Variants in SPRED1 observed in about 807,000 individuals in gnomAD.
SPRED1 encodes sprouty related EVH1 domain containing 1, also known as sprouty-related, EVH1 domain-containing protein 1.
A neutral mutation model predicts 52.3 loss-of-function variants in SPRED1; 18 were observed. That is an observed-to-expected ratio of 0.34 (90% CI 0.24 to 0.51). The LOEUF (loss-of-function observed/expected upper bound fraction) is 0.51, where lower values mean the gene tolerates loss of function less well. Ranked by LOEUF, SPRED1 falls within the 20% of genes least tolerant of loss-of-function variation. The pLI, the probability that SPRED1 is intolerant of heterozygous loss-of-function variation, is 0.97. For synonymous variants in SPRED1, 155 were observed against 179.7 expected (o/e 0.86, Z 1.10); for missense variants, 485 against 551.0 (o/e 0.88, Z 1.20).
At chr15:38,323,905 A>T (rs956538167) in intron 3 of SPRED1, among the ~76,000 whole-genome samples, 4 of 152,202 alleles carry the variant, frequency 2.6e-5, no homozygotes, top group Admixed American at 2.0e-4. Flanking sequence ...GATTGGGTTT[A>T]ATGTTTTAAA....
Position 38,309,303 on chromosome 15 carries a change from G to A in SPRED1, c.207+9756G>A, listed in dbSNP as rs572923881. Among the ~76,000 whole-genome samples the A allele has an allele frequency of 2.6e-5, 4 of 152,132 alleles. No homozygotes were observed. In the South Asian group the frequency reaches 8.3e-4, roughly 32 times the overall value. On this transcript the variant is annotated intron_variant, in intron 2 of 6. Transcript: ENST00000299084. The stretch of plus-strand genomic sequence containing the variant: ...CCACAGGCATGCATCACCACACCTG[G>A]CTAATTTTTGTATTTTTACTAGAGA...
intron 4 of SPRED1, among the ~76,000 whole-genome samples, chr15:38,335,789 T>G (rs2141004451): frequency 6.6e-6 from 1 of 152,068 alleles, no homozygotes; most frequent in African/African-American, 2.4e-5. Flanking sequence ...GGAATAGAAT[T>G]GATGCTAAAC....
intron 5 of SPRED1, among the ~76,000 whole-genome samples, chr15:38,349,162 T>C (rs947264925): frequency 2.7e-4 from 41 of 152,182 alleles, no homozygotes; most frequent in African/African-American, 9.6e-4. Flanking sequence ...TGTTTATCCG[T>C]TCATTAGTTG....
chr15:38,277,882 A>G lies in SPRED1; in HGVS notation c.33-21491A>G, dbSNP rs1235569406. Among the ~76,000 whole-genome samples the G allele has an allele frequency of 2.0e-5, 3 of 147,110 alleles. No homozygotes were observed. The East Asian group carries it at 6.0e-4, about 30-fold the overall frequency. On this transcript the variant is annotated intron_variant, in intron 1 of 6. Coordinates refer to ENST00000299084, the MANE Select transcript of SPRED1 (RefSeq NM_152594.3). ...GATTAGTGATGTTGAGCATTTTTTC[A>G]TGTGTTTATGCTTGTTCATGTATGT...
chr15:38,324,094 T>C (rs373652116), intron 3 of SPRED1, among the ~76,000 whole-genome samples: 10 of 152,318 alleles, frequency 6.6e-5, no homozygotes, highest in Admixed American at 6.5e-5. Flanking sequence ...AGATAAAATA[T>C]GCTGCTCTTT....
chr15:38,301,073 A>G (rs1895140967), intron 2 of SPRED1, among the ~76,000 whole-genome samples: 1 of 152,188 alleles, frequency 6.6e-6, no homozygotes, highest in Non-Finnish European at 1.5e-5. Flanking sequence ...AAGAACAAGG[A>G]AAGGATGATC....
chr15:38,278,832 T>TTTTTTTTTG (rs1894621628), intron 1 of SPRED1, among the ~76,000 whole-genome samples: 1 of 148,076 alleles, frequency 6.8e-6, no homozygotes, highest in African/African-American at 2.5e-5. Flanking sequence ...TACACTGTTT[T>TTTTTTTTTG]TTTTTTTTTT....
At chr15:38,256,683 TAGAA>T (rs1346135922) in intron 1 of SPRED1, among the ~76,000 whole-genome samples, 4 of 152,138 alleles carry the variant, frequency 2.6e-5, no homozygotes, top group Non-Finnish European at 4.4e-5. Context: ...TTTCCGTAAA[TAGAA>T]AGCAAATTTT....
intron 1 of SPRED1, among the ~76,000 whole-genome samples, chr15:38,263,129 G>A (rs1327124724): frequency 3.3e-5 from 5 of 152,316 alleles, no homozygotes; most frequent in South Asian, 4.1e-4. Context: ...AATGTCCAAC[G>A]ATTATTTGAC....
chr15:38,326,032 T>A (rs1216264263), intron 4 of SPRED1: 1 of 152,124 alleles, frequency 6.6e-6, no homozygotes, highest in Non-Finnish European at 1.5e-5. Flanking sequence ...AGACAGTAAA[T>A]AAAAGCTGGA....
chr15:38,324,146 T>C (rs373007855), intron 3 of SPRED1, among the ~76,000 whole-genome samples: 1 of 152,338 alleles, frequency 6.6e-6, no homozygotes, highest in African/African-American at 2.4e-5. Flanking sequence ...TACTCCGTGC[T>C]AAGCTGTGCC....
chr15:38,263,183 C>T (rs1243390129), intron 1 of SPRED1, among the ~76,000 whole-genome samples: 1 of 152,140 alleles, frequency 6.6e-6, no homozygotes, highest in Non-Finnish European at 1.5e-5. Flanking sequence ...ATGACTTGAA[C>T]ATTTTAAATT....
intron 4 of SPRED1, chr15:38,325,841 C>T (rs756842615): frequency 5.9e-5 from 9 of 152,090 alleles, no homozygotes; most frequent in Non-Finnish European, 1.2e-4. Context: ...TGAGCCAAAA[C>T]CATCTAGTTA....
At chr15:38,273,925 A>G (rs990004168) in intron 1 of SPRED1, among the ~76,000 whole-genome samples, 1 of 152,214 alleles carries the variant, frequency 6.6e-6, no homozygotes, top group African/African-American at 2.4e-5. Flanking sequence ...TTGCTAAGAC[A>G]AGAAATGACA....
At chr15:38,283,463 T>C (rs1272199748) in intron 1 of SPRED1, 4 of 969,492 alleles carry the variant, frequency 4.1e-6, no homozygotes, top group Non-Finnish European at 4.9e-6. Flanking sequence ...TTTTGTGAAA[T>C]ATATTACAGA....
intron 1 of SPRED1, among the ~76,000 whole-genome samples, chr15:38,256,749 T>A (rs1484932521): frequency 6.6e-6 from 1 of 152,130 alleles, no homozygotes; most frequent in Non-Finnish European, 1.5e-5. Context: ...TGGTGAGTTA[T>A]TTTTGATAAG....
At chr15:38,305,321 A>G (rs923370656) in intron 2 of SPRED1, among the ~76,000 whole-genome samples, 3 of 150,186 alleles carry the variant, frequency 2.0e-5, no homozygotes, top group Non-Finnish European at 3.0e-5. Context: ...AACGAGAGTG[A>G]AACTGTCAAA....
At chr15:38,332,450 G>A (rs1030025766) in intron 4 of SPRED1, among the ~76,000 whole-genome samples, 4 of 152,084 alleles carry the variant, frequency 2.6e-5, no homozygotes, top group African/African-American at 9.7e-5. Context: ...GAGTCCACCT[G>A]TAGTCCCAGC....
Position 38,316,757 on chromosome 15 carries a change from T to TG in SPRED1, c.208-5484_208-5483insG, listed in dbSNP as rs1256220375. On this transcript the variant is annotated intron_variant, in intron 2 of 6. Coordinates refer to ENST00000299084, the MANE Select transcript of SPRED1 (RefSeq NM_152594.3). Reference sequence around the variant, plus strand: ...CAATTTTCCATTATATGTTTTTTTTTTTTTTTTTTTTTTTTGGTTAATGTC... The same window carrying TG: ...CAATTTTCCATTATATGTTTTTTTTTGTTTTTTTTTTTTTTTGGTTAATGTC... Among the ~76,000 whole-genome samples, 685 of 90,252 alleles carry TG rather than the reference T, an allele frequency of 7.6e-3. 6 individuals are homozygous for TG. Among genetic ancestry groups the TG allele is most frequent in the Non-Finnish European group, 0.013 (492 of 37,456 alleles). 59.2% of individuals were successfully genotyped at this position (90,252 alleles called of 152,430 possible). A position where few individuals can be genotyped will look rare whatever the true frequency, so the allele number is the denominator to read the frequency against.
Sources: gnomAD v4.1 joint callset for allele counts (sites outside exome capture counted in the v4.1 genomes callset) on GRCh38, gnomAD v4.1.1 for gene constraint, MANE v1.5 for transcripts, NCBI Gene and HGNC (gene_info 2026-07-23, HGNC 2026-07-21) for gene names.